ARHGAP6: variants seen among roughly 807,000 people sequenced by gnomAD.
The protein encoded by ARHGAP6 is Rho GTPase activating protein 6, also known as rho GTPase-activating protein 6.
ARHGAP6 carries 16 observed loss-of-function variants against 55.7 expected under a neutral mutation model. The ratio of observed to expected loss-of-function variants is 0.29; its 90% CI spans 0.19 to 0.44. The LOEUF is 0.44. Among genes scored for constraint, ARHGAP6 ranks in the 20% least tolerant of loss-of-function variants. ARHGAP6 has a pLI of 1.00. For synonymous variants in ARHGAP6, 382 were observed against 360.9 expected (o/e 1.06, Z -0.66); for missense variants, 698 against 808.9 (o/e 0.86, Z 1.66).
chrX:11,492,599 C>T (rs754404894), intron 1 of ARHGAP6, among the ~76,000 whole-genome samples: 4 of 110,762 alleles, frequency 3.6e-5, no homozygotes, highest in Admixed American at 9.6e-5. Flanking sequence ...ATAAGAGTCA[C>T]GAATAATATA....
At chrX:11,327,218 G>A (rs764000337) in intron 1 of ARHGAP6, among the ~76,000 whole-genome samples, 1 of 112,225 alleles carries the variant, frequency 8.9e-6, no homozygotes, top group South Asian at 3.7e-4. Context: ...TTCTGAATGG[G>A]GTAGTAAAGA....
chrX:11,340,511 T>C (rs923695986), intron 1 of ARHGAP6, among the ~76,000 whole-genome samples: 17 of 111,248 alleles, frequency 1.5e-4, no homozygotes, highest in Non-Finnish European at 2.6e-4. Context: ...GGGTGGATCA[T>C]GAGGTCAGGA....
intron 1 of ARHGAP6, among the ~76,000 whole-genome samples, chrX:11,411,742 T>C (rs757089312): frequency 8.9e-6 from 1 of 112,079 alleles, no homozygotes; most frequent in South Asian, 3.7e-4. Flanking sequence ...AGTTTGATTG[T>C]ATAATATTGA....
chrX:11,453,271 C>T (rs1053839400), intron 1 of ARHGAP6, among the ~76,000 whole-genome samples: 3 of 89,203 alleles, frequency 3.4e-5, no homozygotes, highest in South Asian at 5.0e-4. Flanking sequence ...GTATATATAG[C>T]ATATATATAC....
At chrX:11,426,035 G>A (rs773899878) in intron 1 of ARHGAP6, among the ~76,000 whole-genome samples, 3 of 112,131 alleles carry the variant, frequency 2.7e-5, no homozygotes, top group South Asian at 3.7e-4. Context: ...CTGAGCCACC[G>A]GTGTCTCCAA....
intron 1 of ARHGAP6, among the ~76,000 whole-genome samples, chrX:11,454,767 G>A (rs1240201944): frequency 1.8e-5 from 2 of 112,358 alleles, no homozygotes; most frequent in African/African-American, 6.5e-5. Context: ...TTCTTGGTGT[G>A]CACTGGGCAT....
chrX:11,633,590 T>G (rs1400619832), intron 1 of ARHGAP6, among the ~76,000 whole-genome samples: 1 of 112,133 alleles, frequency 8.9e-6, no homozygotes, highest in Non-Finnish European at 1.9e-5. Context: ...CTATATTTAC[T>G]GAGCACCTGC....
At chrX:11,262,445 T>C (rs1293261962) in intron 1 of ARHGAP6, among the ~76,000 whole-genome samples, 2 of 112,244 alleles carry the variant, frequency 1.8e-5, no homozygotes, top group Non-Finnish European at 3.8e-5. Flanking sequence ...TGAAATAAAA[T>C]TGATTGAAAT....
At chrX:11,274,225 AG>A (rs1159182219) in intron 1 of ARHGAP6, among the ~76,000 whole-genome samples, 1 of 112,243 alleles carries the variant, frequency 8.9e-6, no homozygotes, top group African/African-American at 3.2e-5. Flanking sequence ...TAATTATTAT[AG>A]GTAATAAATT....
chrX:11,384,793 C>T (rs2049308437), intron 1 of ARHGAP6, among the ~76,000 whole-genome samples: 1 of 111,387 alleles, frequency 9.0e-6, no homozygotes, highest in Non-Finnish European at 1.9e-5. Context: ...AAAAGTTCCC[C>T]AGACCATTCT....
intron 1 of ARHGAP6, among the ~76,000 whole-genome samples, chrX:11,305,989 C>A (rs901120706): frequency 8.9e-6 from 1 of 111,817 alleles, no homozygotes; most frequent in Non-Finnish European, 1.9e-5. Context: ...ATAACCAACT[C>A]AAGGCACTTC....
At chrX:11,532,332 A>G (rs1042923393) in intron 1 of ARHGAP6, among the ~76,000 whole-genome samples, 3 of 112,754 alleles carry the variant, frequency 2.7e-5, no homozygotes, top group African/African-American at 9.7e-5. Flanking sequence ...TAAAGAATAA[A>G]TGAATGAATA....
chrX:11,575,922 T>C (rs2051591237), intron 1 of ARHGAP6, among the ~76,000 whole-genome samples: 1 of 112,537 alleles, frequency 8.9e-6, no homozygotes, highest in Non-Finnish European at 1.9e-5. Context: ...CATGATTTTA[T>C]GAAGTGACAG....
At chrX:11,496,964 G>A (rs1268300119) in intron 1 of ARHGAP6, among the ~76,000 whole-genome samples, 1 of 111,782 alleles carries the variant, frequency 8.9e-6, no homozygotes, top group African/African-American at 3.3e-5. Flanking sequence ...AAGTTGTGGT[G>A]ACTATTTTGG....
chrX:11,656,561 G>A (rs999597852), intron 1 of ARHGAP6, among the ~76,000 whole-genome samples: 2 of 111,746 alleles, frequency 1.8e-5, no homozygotes, highest in African/African-American at 3.3e-5. Flanking sequence ...ACAGCCAAGG[G>A]CTGTGGCTGC....
In ARHGAP6 at chrX:11,656,379, C is replaced by G. The variant is rs145413966; in HGVS notation, c.588+7862G>C. 2.6e-3 allele frequency among the ~76,000 whole-genome samples: 287 copies of G among 112,306 alleles called. 1 individual carries two copies. The highest frequency in any genetic ancestry group is 8.9e-3 in the African/African-American group (275 of 30,958). The stretch of plus-strand genomic sequence containing the variant: ...TTTATGCCTTGTATCAGTTTCCTAT[C>G]GCTGCTCGAAATTACCACAAATTTT... On this transcript the variant is annotated intron_variant, in intron 1 of 12. Coordinates refer to ENST00000337414, the MANE Select transcript of ARHGAP6 (RefSeq NM_013427.3).
chrX:11,587,047 G>T (rs995668266), intron 1 of ARHGAP6, among the ~76,000 whole-genome samples: 1 of 111,840 alleles, frequency 8.9e-6, no homozygotes, highest in Non-Finnish European at 1.9e-5. Context: ...TGCTGACATT[G>T]TTTATCATAT....
At chrX:11,571,566 T>C (rs1285425005) in intron 1 of ARHGAP6, among the ~76,000 whole-genome samples, 2 of 110,030 alleles carry the variant, frequency 1.8e-5, no homozygotes, top group Non-Finnish European at 3.8e-5. Flanking sequence ...ACATTAGTCC[T>C]TTAAAAGGAA....
intron 1 of ARHGAP6, among the ~76,000 whole-genome samples, chrX:11,259,998 A>G (rs1769730231): frequency 9.0e-6 from 1 of 111,654 alleles, no homozygotes; most frequent in Admixed American, 9.6e-5. Context: ...ATTATTCTGA[A>G]TTATCCAGGC....
Sources: gnomAD v4.1 joint callset for allele counts (sites outside exome capture counted in the v4.1 genomes callset) on GRCh38, gnomAD v4.1.1 for gene constraint, MANE v1.5 for transcripts, NCBI Gene and HGNC (gene_info 2026-07-23, HGNC 2026-07-21) for gene names.